RANBP2: variants seen among roughly 807,000 people sequenced by gnomAD.
The protein encoded by RANBP2 is RAN binding protein 2.
A neutral mutation model predicts 303.6 loss-of-function variants in RANBP2; 57 were observed. That is an observed-to-expected ratio of 0.19 (90% CI 0.15 to 0.23). RANBP2 has a LOEUF of 0.23. RANBP2 is among the 10% of genes least tolerant of loss of function. The pLI, the probability that RANBP2 is intolerant of heterozygous loss-of-function variation, is 1.00. For synonymous variants in RANBP2, 1,167 were observed against 1,301.5 expected (o/e 0.90, Z 2.23); for missense variants, 3,138 against 3,780.8 (o/e 0.83, Z 4.46).
the RANBP2 span, among the ~76,000 whole-genome samples, chr2:109,064,477 A>C: frequency 6.7e-6 from 1 of 148,236 alleles, no homozygotes; most frequent in Non-Finnish European, 1.5e-5. Context: ...AAAAACAAAA[A>C]CAAACTGGTA....
the RANBP2 span, among the ~76,000 whole-genome samples, chr2:109,516,502 C>T: frequency 3.3e-5 from 5 of 152,236 alleles, no homozygotes; most frequent in African/African-American, 1.2e-4. Context: ...CTGTGGCCAC[C>T]GGGTCACAGA....
chr2:108,914,184 C>T, the RANBP2 span, among the ~76,000 whole-genome samples: 697 of 151,268 alleles, frequency 4.6e-3, 6 homozygotes, highest in African/African-American at 0.016. Flanking sequence ...CGCTTGAACC[C>T]GGGAGGTGGA....
rs756534580 is a variant in RANBP2 at position 108,767,285 on chromosome 2, C to T, written c.6746C>T (p.Ala2249Val). The change falls in exon 20 of 29, where the codon GCA becomes GTA. Residue 2249 changes from alanine to valine, a missense_variant. Ala to Val is a moderately conservative substitution (Grantham distance 64). Around this residue, in one of 20 missense-constraint regions of RANBP2, gnomAD observed 72 missense variants for 86.8 expected, o/e 0.83. Transcript: ENST00000283195. Reference protein sequence around the residue: ...SSSSVHASPLASSPVRKNLFR... With the variant: ...SSSSVHASPLVSSPVRKNLFR... ...AGCTCAGTACATGCTTCTCCATTGG[C>T]AAGTAGCCCTGTGAGAAAAAATCTT... 1.2e-6 allele frequency: 2 copies of T among 1,611,890 alleles called. No individual in the cohort carries two copies. Among genetic ancestry groups the T allele is most frequent in the African/African-American group, 2.7e-5 (2 of 74,836 alleles).
At chr2:108,867,479 G>A in the RANBP2 span, among the ~76,000 whole-genome samples, 72 of 152,274 alleles carry the variant, frequency 4.7e-4, no homozygotes, top group Non-Finnish European at 8.5e-4. Flanking sequence ...TGTTAGTTAC[G>A]AATATGGATT....
At chr2:109,112,111 A>G in the RANBP2 span, among the ~76,000 whole-genome samples, 8 of 151,846 alleles carry the variant, frequency 5.3e-5, no homozygotes, top group East Asian at 1.6e-3. Flanking sequence ...ATGTGTCTTT[A>G]TAGCAGCATG....
At chr2:108,956,208 T>G in the RANBP2 span, among the ~76,000 whole-genome samples, 1 of 152,190 alleles carries the variant, frequency 6.6e-6, no homozygotes, top group Non-Finnish European at 1.5e-5. Flanking sequence ...ATATTTGTCC[T>G]TCAGGCTGGT....
the RANBP2 span, among the ~76,000 whole-genome samples, chr2:109,567,193 T>C: frequency 6.6e-6 from 1 of 152,162 alleles, no homozygotes; most frequent in Non-Finnish European, 1.5e-5. Context: ...TAACCTAACT[T>C]TGTAGATATG....
the RANBP2 span, among the ~76,000 whole-genome samples, chr2:109,460,943 T>G: frequency 6.6e-6 from 1 of 152,208 alleles, no homozygotes; most frequent in African/African-American, 2.4e-5. Context: ...CTGCCCACTT[T>G]CAGGTGGTGC....
At chr2:109,314,941 C>T in the RANBP2 span, among the ~76,000 whole-genome samples, 1 of 152,180 alleles carries the variant, frequency 6.6e-6, no homozygotes, top group Admixed American at 6.5e-5. Flanking sequence ...CCGTATGAAT[C>T]TCATTCTTGG....
chr2:109,229,648 G>T, the RANBP2 span, among the ~76,000 whole-genome samples: 3 of 152,124 alleles, frequency 2.0e-5, no homozygotes, highest in African/African-American at 7.2e-5. Context: ...GGGTCAGGAA[G>T]GCCCCAGATG....
chr2:108,800,342 A>G, the RANBP2 span, among the ~76,000 whole-genome samples: 3 of 151,980 alleles, frequency 2.0e-5, no homozygotes, highest in African/African-American at 4.8e-5. Flanking sequence ...TCGGCTCACT[A>G]CAACCTCCAC....
chr2:109,141,341 C>T, the RANBP2 span: 1 of 152,606 alleles, frequency 6.6e-6, no homozygotes, highest in East Asian at 1.9e-4. Flanking sequence ...AGCCTCTCGT[C>T]TCTGCCTGGG....
chr2:109,732,500 A>G, the RANBP2 span, among the ~76,000 whole-genome samples: 1 of 145,682 alleles, frequency 6.9e-6, no homozygotes, highest in Non-Finnish European at 1.5e-5. Context: ...TTTTTTTGAG[A>G]CAGAGTCTTG....
At chr2:108,839,783 A>G in the RANBP2 span, among the ~76,000 whole-genome samples, 5 of 151,574 alleles carry the variant, frequency 3.3e-5, no homozygotes, top group Non-Finnish European at 5.9e-5. Context: ...CAGGATTTTT[A>G]CATAGAAAAT....
At chr2:109,502,515 G>A in the RANBP2 span, 2 of 152,178 alleles carry the variant, frequency 1.3e-5, no homozygotes. Flanking sequence ...CTTTGGGAGA[G>A]CGCCGAGAAG....
the RANBP2 span, among the ~76,000 whole-genome samples, chr2:109,402,046 C>G: frequency 1.3e-5 from 2 of 152,224 alleles, no homozygotes; most frequent in Non-Finnish European, 1.5e-5. Context: ...TCTCCCTGTC[C>G]TGATTTAATC....
chr2:109,282,607 A>C, the RANBP2 span, among the ~76,000 whole-genome samples: 23 of 152,310 alleles, frequency 1.5e-4, no homozygotes, highest in East Asian at 4.3e-3. Flanking sequence ...GAGCCAATGC[A>C]CGCACTCCAC....
At chr2:109,206,753 T>C in the RANBP2 span, among the ~76,000 whole-genome samples, 2 of 150,700 alleles carry the variant, frequency 1.3e-5, no homozygotes, top group Admixed American at 1.3e-4. Context: ...GAGTTCAAGG[T>C]TACAGTGAGC....
At chr2:109,459,556 T>G in the RANBP2 span, among the ~76,000 whole-genome samples, 1 of 152,180 alleles carries the variant, frequency 6.6e-6, no homozygotes, top group East Asian at 1.9e-4. Flanking sequence ...AGGGATCTCC[T>G]GTATCCCAGA....
Sources: gnomAD v4.1 joint callset for allele counts (sites outside exome capture counted in the v4.1 genomes callset) on GRCh38, gnomAD v4.1.1 for gene constraint, gnomAD v4.1.1 regional missense constraint, MANE v1.5 for transcripts, NCBI Gene and HGNC (gene_info 2026-07-23, HGNC 2026-07-21) for gene names.